Variants in TRPC4AP observed in about 807,000 individuals in gnomAD.
TRPC4AP encodes transient receptor potential cation channel subfamily C member 4 associated protein.
A neutral mutation model predicts 99.0 loss-of-function variants in TRPC4AP; 45 were observed. That is an observed-to-expected ratio of 0.45 (90% CI 0.36 to 0.58). The LOEUF is 0.58. Among genes scored for constraint, TRPC4AP ranks in the 20% least tolerant of loss-of-function variants. The pLI, the probability that TRPC4AP is intolerant of heterozygous loss-of-function variation, is 0.00. For synonymous variants in TRPC4AP, 408 were observed against 385.8 expected (o/e 1.06, Z -0.67); for missense variants, 879 against 985.3 (o/e 0.89, Z 1.44).
intron 1 of TRPC4AP, among the ~76,000 whole-genome samples, chr20:35,085,544 C>T (rs1250864928): frequency 6.8e-6 from 1 of 147,322 alleles, no homozygotes; most frequent in South Asian, 2.1e-4. Context: ...GCCCAGGAGG[C>T]GGAGGTTTCA....
chr20:35,044,859 C>A, intron 6 of TRPC4AP, 147 bp from the exon 7 acceptor site: 1 of 729,888 alleles, frequency 1.4e-6, no homozygotes, highest in Admixed American at 2.9e-5. Context: ...AGCTCTGAAA[C>A]TTTGGTTAAG....
intron 3 of TRPC4AP, among the ~76,000 whole-genome samples, chr20:35,066,986 A>C (rs1381281048): frequency 8.5e-5 from 13 of 152,242 alleles, no homozygotes; most frequent in Non-Finnish European, 1.3e-4. Context: ...TTTAAAAACT[A>C]TGCAGAGAAT....
intron 1 of TRPC4AP, among the ~76,000 whole-genome samples, chr20:35,086,465 G>GTATA (rs1569157456): frequency 7.8e-5 from 9 of 116,114 alleles, no homozygotes; most frequent in African/African-American, 1.7e-4. Flanking sequence ...GTGTGTGTGT[G>GTATA]TGTGTGTGTG....
chr20:35,018,079 C>T (rs925120449), intron 9 of TRPC4AP, among the ~76,000 whole-genome samples: 3 of 152,194 alleles, frequency 2.0e-5, no homozygotes, highest in African/African-American at 4.8e-5. Context: ...CCAGGTCACA[C>T]AGCTATAAAA....
chr20:35,044,426 G>GAA (rs933220035), intron 7 of TRPC4AP, 79 bp downstream of exon 7: 3 of 1,189,592 alleles, frequency 2.5e-6, no homozygotes, highest in Admixed American at 5.4e-5. Flanking sequence ...GAAAAGAAAA[G>GAA]AAAAAGAAAA....
At chr20:35,064,601 T>G (rs1230725055) in intron 3 of TRPC4AP, among the ~76,000 whole-genome samples, 1 of 152,252 alleles carries the variant, frequency 6.6e-6, no homozygotes, top group Non-Finnish European at 1.5e-5. Flanking sequence ...CTCAGCTTTC[T>G]GCACATCTGT....
intron 11 of TRPC4AP, 135 bp from the exon 12 acceptor site, chr20:35,010,423 A>G: frequency 3.0e-6 from 2 of 677,276 alleles, no homozygotes; most frequent in Non-Finnish European, 5.1e-6. Flanking sequence ...TTCCTCTAGC[A>G]CCTCTCACTC....
intron 6 of TRPC4AP, among the ~76,000 whole-genome samples, chr20:35,046,461 T>G (rs537128107): frequency 1.4e-4 from 21 of 152,338 alleles, no homozygotes; most frequent in African/African-American, 4.8e-4. Flanking sequence ...ACATGAACTT[T>G]TAATAATCTG....
intron 9 of TRPC4AP, among the ~76,000 whole-genome samples, chr20:35,017,171 A>C (rs1433573335): frequency 6.6e-6 from 1 of 152,234 alleles, no homozygotes; most frequent in Non-Finnish European, 1.5e-5. Context: ...GATACAAGGC[A>C]CCAGTAAAAA....
At chr20:35,055,655 G>A (rs1042491729) in intron 4 of TRPC4AP, among the ~76,000 whole-genome samples, 7 of 152,230 alleles carry the variant, frequency 4.6e-5, no homozygotes, top group African/African-American at 1.4e-4. Context: ...CTGCATGCGC[G>A]TGTACCACGC....
intron 8 of TRPC4AP, among the ~76,000 whole-genome samples, chr20:35,031,084 T>C (rs968255868): frequency 7.2e-5 from 11 of 152,204 alleles, no homozygotes; most frequent in Non-Finnish European, 1.6e-4. Flanking sequence ...TGGTTGACTG[T>C]TTTCTTTCAG....
At chr20:35,060,585 C>G (rs12480442) in intron 3 of TRPC4AP, among the ~76,000 whole-genome samples, 4,325 of 70,352 alleles carry the variant, frequency 0.061, 143 homozygotes, top group Middle Eastern at 0.11. Flanking sequence ...ACCTTGTCTC[C>G]AAAAAAAAAA....
intron 17 of TRPC4AP, 135 bp downstream of exon 17, chr20:35,004,323 G>A (rs927857349): frequency 4.0e-6 from 3 of 742,664 alleles, no homozygotes; most frequent in South Asian, 3.4e-5. Flanking sequence ...GATTCCTCCT[G>A]AGCACAGTCC....
intron 8 of TRPC4AP, among the ~76,000 whole-genome samples, chr20:35,023,390 T>C (rs2082940478): frequency 6.6e-6 from 1 of 152,214 alleles, no homozygotes; most frequent in African/African-American, 2.4e-5. Flanking sequence ...AATTAGAAAC[T>C]AAATAGAAGT....
intron 7 of TRPC4AP, among the ~76,000 whole-genome samples, chr20:35,037,806 ATACT>A (rs1312672961): frequency 2.0e-5 from 3 of 152,170 alleles, no homozygotes; most frequent in South Asian, 2.1e-4. Flanking sequence ...AGATACACAA[ATACT>A]TACCATTATG....
chr20:35,074,898 G>T (rs1451307006), intron 2 of TRPC4AP, among the ~76,000 whole-genome samples: 1 of 152,094 alleles, frequency 6.6e-6, no homozygotes, highest in African/African-American at 2.4e-5. Context: ...TTATTGTGTG[G>T]GAGTCTAAGT....
chr20:35,033,686 T>C (rs73273831), intron 8 of TRPC4AP, among the ~76,000 whole-genome samples: 6,704 of 152,172 alleles, frequency 0.044, 487 homozygotes, highest in African/African-American at 0.15. Context: ...GATCACCCTG[T>C]TCTTAATTAA....
At chr20:35,051,991 TTAAC>T (rs2083710589) in intron 5 of TRPC4AP, among the ~76,000 whole-genome samples, 1 of 152,188 alleles carries the variant, frequency 6.6e-6, no homozygotes, top group African/African-American at 2.4e-5. Flanking sequence ...TCACAAGTTC[TTAAC>T]TGAGGCCAAA....
intron 1 of TRPC4AP, among the ~76,000 whole-genome samples, chr20:35,084,477 T>C (rs1052538675): frequency 1.7e-5 from 2 of 119,680 alleles, no homozygotes; most frequent in African/African-American, 2.7e-5. Context: ...TATGTATATA[T>C]GTGTATATAT....
Sources: allele counts gnomAD v4.1 joint callset (sites outside exome capture counted in the v4.1 genomes callset), GRCh38; gene constraint gnomAD v4.1.1; transcripts MANE v1.5; gene names NCBI Gene and HGNC (gene_info 2026-07-23, HGNC 2026-07-21).